LRRTM4: variants seen among roughly 807,000 people sequenced by gnomAD.
The protein encoded by LRRTM4 is leucine-rich repeat transmembrane neuronal protein 4.
Under a neutral mutation model 47.6 loss-of-function variants are expected in LRRTM4, and 25 were observed. The observed-to-expected ratio is 0.53, with a 90% CI of 0.38 to 0.73. The LOEUF is 0.73. Among genes scored for constraint, LRRTM4 ranks in the 30% least tolerant of loss-of-function variants. LRRTM4 has a pLI of 0.00. For synonymous variants in LRRTM4, 311 were observed against 269.5 expected (o/e 1.15, Z -1.51); for missense variants, 638 against 713.4 (o/e 0.89, Z 1.20).
At chr2:77,096,031 A>T (rs1283937105) in intron 3 of LRRTM4, among the ~76,000 whole-genome samples, 1 of 152,182 alleles carries the variant, frequency 6.6e-6, no homozygotes, top group Non-Finnish European at 1.5e-5. Flanking sequence ...TAATGTTCTC[A>T]TGACAAAAAT....
At position 77,153,787 on chromosome 2, in the gene LRRTM4, A is replaced by G. The variant is rs181244212; in HGVS notation, c.1551+364531T>C. ...CATATATATACATCTGAAAATCTCA[A>G]TCAAGCACTGTGAAGCCTTGTCAGG... On this transcript the variant is annotated intron_variant, in intron 3 of 3. Transcript: ENST00000409884. Among the ~76,000 whole-genome samples the G allele has an allele frequency of 8.5e-5, 13 of 152,300 alleles. No homozygotes were observed. The East Asian group carries it at 2.1e-3, about 25-fold the overall frequency.
chr2:76,942,749 CATG>C (rs1284008542), intron 3 of LRRTM4, among the ~76,000 whole-genome samples: 8 of 148,958 alleles, frequency 5.4e-5, no homozygotes, highest in African/African-American at 2.0e-4. Flanking sequence ...GTTTTTAGTG[CATG>C]ATATAATTTA....
rs564552715 is a variant in LRRTM4, at chr2:77,188,875, T to C, written c.1551+329443A>G. 3.2e-4 allele frequency among the ~76,000 whole-genome samples: 48 copies of C among 152,308 alleles called. 1 individual carries two copies. The South Asian group carries it at 9.3e-3, about 30-fold the overall frequency. On this transcript the variant is annotated intron_variant, in intron 3 of 3. Coordinates refer to ENST00000409884, the MANE Select transcript of LRRTM4 (RefSeq NM_001134745.3). ...TCTAATCCACCAGTGAGTTCGATCA[T>C]TTTTGTTTCCAAAATATGTCTTAAA...
chr2:76,976,400 A>G (rs1676418947), intron 3 of LRRTM4, among the ~76,000 whole-genome samples: 1 of 151,830 alleles, frequency 6.6e-6, no homozygotes, highest in African/African-American at 2.4e-5. Flanking sequence ...TTATTTAATG[A>G]AAACATTTCA....
intron 3 of LRRTM4, among the ~76,000 whole-genome samples, chr2:76,929,293 G>T (rs530215387): frequency 1.1e-3 from 169 of 152,172 alleles, no homozygotes; most frequent in Non-Finnish European, 1.6e-3. Flanking sequence ...GCAAACTAAC[G>T]CCCATGAACC....
At chr2:76,988,336 C>T (rs1676876297) in intron 3 of LRRTM4, among the ~76,000 whole-genome samples, 1 of 151,792 alleles carries the variant, frequency 6.6e-6, no homozygotes, top group Non-Finnish European at 1.5e-5. Flanking sequence ...CAGCAATCTA[C>T]CAAAACATGG....
chr2:77,319,319 G>A (rs775911372), intron 3 of LRRTM4, among the ~76,000 whole-genome samples: 10 of 151,968 alleles, frequency 6.6e-5, no homozygotes, highest in Admixed American at 1.3e-4. Context: ...CCCTGGAGGC[G>A]GAGGTTGCAG....
chr2:76,807,176 A>G (rs1241662057), intron 3 of LRRTM4, among the ~76,000 whole-genome samples: 3 of 151,882 alleles, frequency 2.0e-5, no homozygotes, highest in African/African-American at 7.2e-5. Flanking sequence ...GAATTGATTC[A>G]AAGAAAATAA....
intron 3 of LRRTM4, among the ~76,000 whole-genome samples, chr2:76,805,901 C>A (rs1312059678): frequency 1.3e-5 from 2 of 152,112 alleles, no homozygotes; most frequent in Non-Finnish European, 2.9e-5. Flanking sequence ...CCCTTAGGCA[C>A]AAGCTCTAAT....
At chr2:76,979,023 A>T (rs2103961110) in intron 3 of LRRTM4, among the ~76,000 whole-genome samples, 1 of 152,120 alleles carries the variant, frequency 6.6e-6, no homozygotes, top group South Asian at 2.1e-4. Flanking sequence ...GAGGAAAAGG[A>T]CTTTGTTATT....
intron 3 of LRRTM4, among the ~76,000 whole-genome samples, chr2:77,403,883 T>A (rs1674063023): frequency 6.6e-6 from 1 of 150,776 alleles, no homozygotes; most frequent in African/African-American, 2.5e-5. Flanking sequence ...TATATATATA[T>A]ATTTTAGGAA....
intron 3 of LRRTM4, among the ~76,000 whole-genome samples, chr2:76,760,625 C>CG (rs1673219881): frequency 6.6e-6 from 1 of 152,140 alleles, no homozygotes; most frequent in Non-Finnish European, 1.5e-5. Flanking sequence ...TGTCAAATCT[C>CG]GGTGTATCCA....
At chr2:77,190,451 C>T (rs1252657711) in intron 3 of LRRTM4, among the ~76,000 whole-genome samples, 1 of 151,946 alleles carries the variant, frequency 6.6e-6, no homozygotes, top group African/African-American at 2.4e-5. Context: ...CCTGCCACCA[C>T]ACCCAGCTAA....
intron 3 of LRRTM4, among the ~76,000 whole-genome samples, chr2:76,752,199 T>A (rs1672873296): frequency 6.6e-6 from 1 of 152,138 alleles, no homozygotes; most frequent in African/African-American, 2.4e-5. Context: ...ACCAGGTGAA[T>A]CTACAGATGA....
At chr2:77,058,079 G>T (rs970881847) in intron 3 of LRRTM4, among the ~76,000 whole-genome samples, 1 of 152,128 alleles carries the variant, frequency 6.6e-6, no homozygotes, top group African/African-American at 2.4e-5. Flanking sequence ...CCACCTTATG[G>T]GAACATTTCA....
At chr2:76,946,199 T>C (rs1675317407) in intron 3 of LRRTM4, among the ~76,000 whole-genome samples, 2 of 151,954 alleles carry the variant, frequency 1.3e-5, no homozygotes, top group Admixed American at 1.3e-4. Flanking sequence ...GTCCTAATCA[T>C]TCTAAATGGA....
chr2:76,829,273 A>G (rs1419329956), intron 3 of LRRTM4, among the ~76,000 whole-genome samples: 2 of 151,962 alleles, frequency 1.3e-5, no homozygotes, highest in Non-Finnish European at 2.9e-5. Context: ...GTGTCCATAC[A>G]CATGTGTATA....
chr2:77,397,287 T>G (rs1239376566), intron 3 of LRRTM4, among the ~76,000 whole-genome samples: 1 of 151,860 alleles, frequency 6.6e-6, no homozygotes, highest in Non-Finnish European at 1.5e-5. Flanking sequence ...TTCATAGCCA[T>G]TATATTTTCA....
chr2:76,802,872 T>C (rs1426544224), intron 3 of LRRTM4, among the ~76,000 whole-genome samples: 3 of 152,104 alleles, frequency 2.0e-5, no homozygotes, highest in Non-Finnish European at 4.4e-5. Flanking sequence ...CATCAATAAA[T>C]AGTGTTGGGG....
Sources: allele counts gnomAD v4.1 joint callset (sites outside exome capture counted in the v4.1 genomes callset), GRCh38; gene constraint gnomAD v4.1.1; transcripts MANE v1.5; gene names NCBI Gene and HGNC (gene_info 2026-07-23, HGNC 2026-07-21).